Variants in SLCO5A1 observed in about 807,000 individuals in gnomAD.
The protein encoded by SLCO5A1 is solute carrier organic anion transporter family member 5A1.
A neutral mutation model predicts 65.1 loss-of-function variants in SLCO5A1; 39 were observed. The ratio of observed to expected loss-of-function variants is 0.60; its 90% CI spans 0.46 to 0.78. The LOEUF is 0.78. Ranked by LOEUF, SLCO5A1 falls within the 30% of genes least tolerant of loss-of-function variation. The pLI is 0.00. For missense variants in SLCO5A1, 1,029 were observed against 1,069.4 expected (o/e 0.96, Z 0.53); for synonymous variants, 438 against 415.7 (o/e 1.05, Z -0.65).
At chr8:69,804,886 G>C (rs771738076) in intron 2 of SLCO5A1, among the ~76,000 whole-genome samples, 1 of 152,056 alleles carries the variant, frequency 6.6e-6, no homozygotes, top group Non-Finnish European at 1.5e-5. Context: ...CTGCAGGCCG[G>C]GCTCCTGCCA....
At chr8:69,696,115 G>C (rs1392820238) in intron 6 of SLCO5A1, among the ~76,000 whole-genome samples, 1 of 152,238 alleles carries the variant, frequency 6.6e-6, no homozygotes, top group Non-Finnish European at 1.5e-5. Context: ...CCCAGCAGCA[G>C]TTGATTCAGG....
intron 5 of SLCO5A1, among the ~76,000 whole-genome samples, chr8:69,728,159 C>T (rs1816172057): frequency 6.6e-6 from 1 of 151,694 alleles, no homozygotes; most frequent in South Asian, 2.1e-4. Flanking sequence ...AGCATGCCAA[C>T]CTTTGGAAAG....
intron 2 of SLCO5A1, among the ~76,000 whole-genome samples, chr8:69,810,925 A>T (rs1002436560): frequency 6.6e-6 from 1 of 152,178 alleles, no homozygotes; most frequent in Non-Finnish European, 1.5e-5. Context: ...CAGTACACAG[A>T]CATTCACATG....
chr8:69,679,718 T>C, intron 7 of SLCO5A1, 99 bp from the exon 8 acceptor site: 5 of 1,489,306 alleles, frequency 3.4e-6, no homozygotes, highest in Non-Finnish European at 3.6e-6. Flanking sequence ...CTAAAATAGC[T>C]CAAATATTTT....
chr8:69,822,339 A>G (rs1273885678), intron 2 of SLCO5A1, among the ~76,000 whole-genome samples: 1 of 152,156 alleles, frequency 6.6e-6, no homozygotes, highest in African/African-American at 2.4e-5. Context: ...TGCATTACTT[A>G]AATGTTCATA....
intron 2 of SLCO5A1, among the ~76,000 whole-genome samples, chr8:69,792,534 G>A (rs973048953): frequency 1.3e-5 from 2 of 152,158 alleles, no homozygotes; most frequent in African/African-American, 4.8e-5. Context: ...ATATAAGGTG[G>A]TATTTTAAGA....
intron 2 of SLCO5A1, among the ~76,000 whole-genome samples, chr8:69,816,255 A>G (rs1171459636): frequency 6.6e-6 from 1 of 152,180 alleles, no homozygotes; most frequent in Non-Finnish European, 1.5e-5. Context: ...GAAATACCTC[A>G]GACCCTCTCC....
chr8:69,782,377 T>C lies in SLCO5A1; in HGVS notation c.908-20502A>G, dbSNP rs142669370. 5.9e-5 allele frequency among the ~76,000 whole-genome samples: 9 copies of C among 151,262 alleles called. No individual in the cohort carries two copies. In the East Asian group the frequency reaches 1.6e-3, roughly 26 times the overall value. The stretch of plus-strand genomic sequence containing the variant: ...AGGGAGGATTGCTTGAGACCAGGAG[T>C]TCAAGACCAGCCTGGGCAATATGGC... On this transcript the variant is annotated intron_variant, in intron 2 of 9. Transcript: ENST00000260126.
chr8:69,762,122 C>A (rs562559399), intron 2 of SLCO5A1, among the ~76,000 whole-genome samples: 61 of 4,976 alleles, frequency 0.012, no homozygotes, highest in African/African-American at 0.049. Context: ...GTTTTGTTTT[C>A]TTTCTTTCTT....
intron 5 of SLCO5A1, among the ~76,000 whole-genome samples, chr8:69,712,889 A>G (rs1278254736): frequency 6.6e-6 from 1 of 152,142 alleles, no homozygotes; most frequent in Non-Finnish European, 1.5e-5. Flanking sequence ...TCCATTTTCA[A>G]TTATTCCTGG....
chr8:69,832,587 C>CT lies in SLCO5A1; in HGVS notation c.86dup (p.Pro30AlafsTer7). 1 of 1,612,870 alleles carries CT rather than the reference C, an allele frequency of 6.2e-7. No individual in the cohort carries two copies. Among genetic ancestry groups the CT allele is most frequent in the Non-Finnish European group, 8.5e-7 (1 of 1,179,766 alleles). ...AACTCTTAGACCTGAGGGTCTCCGG[C>CT]TCGCACCTCTCTTGGACAGCTTCTG... On this transcript the variant is annotated frameshift_variant, in exon 2 of 10. Transcript: ENST00000260126. LOFTEE classifies it high-confidence loss of function. The surrounding 1 kb of genome is among the most constrained non-coding windows in gnomAD (Gnocchi z 4.5).
intron 6 of SLCO5A1, among the ~76,000 whole-genome samples, chr8:69,682,783 C>A (rs1813840193): frequency 6.6e-6 from 1 of 152,208 alleles, no homozygotes; most frequent in African/African-American, 2.4e-5. Flanking sequence ...CACATGATCA[C>A]TGTTAAAATC....
intron 2 of SLCO5A1, among the ~76,000 whole-genome samples, chr8:69,815,519 T>C (rs1218341482): frequency 6.6e-6 from 1 of 152,122 alleles, no homozygotes; most frequent in Non-Finnish European, 1.5e-5. Context: ...CTCCTCTTGA[T>C]GTCCAGTTAC....
intron 2 of SLCO5A1, chr8:69,794,260 G>T: frequency 2.1e-6 from 1 of 479,004 alleles, no homozygotes. Flanking sequence ...CCACCAGAAT[G>T]GGAAAGTTTT....
At chr8:69,722,081 AG>A (rs1417093236) in intron 5 of SLCO5A1, among the ~76,000 whole-genome samples, 2 of 152,158 alleles carry the variant, frequency 1.3e-5, no homozygotes, top group African/African-American at 4.8e-5. Context: ...CTGAGACAGG[AG>A]AATCGCCTGA....
At chr8:69,813,256 T>C (rs920260529) in intron 2 of SLCO5A1, among the ~76,000 whole-genome samples, 2 of 152,102 alleles carry the variant, frequency 1.3e-5, no homozygotes, top group African/African-American at 4.8e-5. Context: ...GTGAAAAAAT[T>C]AGGAAAACAC....
chr8:69,746,684 C>T (rs1024110548), intron 4 of SLCO5A1, among the ~76,000 whole-genome samples: 7 of 152,158 alleles, frequency 4.6e-5, no homozygotes, highest in African/African-American at 1.7e-4. Context: ...GGGAACACCA[C>T]GTGATAATTA....
intron 2 of SLCO5A1, among the ~76,000 whole-genome samples, chr8:69,775,757 T>C (rs1818527906): frequency 6.6e-6 from 1 of 152,170 alleles, no homozygotes; most frequent in African/African-American, 2.4e-5. Flanking sequence ...CTCATGCTTA[T>C]AATCCTAGCA....
intron 2 of SLCO5A1, among the ~76,000 whole-genome samples, chr8:69,810,204 C>T (rs558003369): frequency 2.0e-5 from 3 of 152,150 alleles, no homozygotes; most frequent in Non-Finnish European, 4.4e-5. Flanking sequence ...GGAGATCAAA[C>T]CACAGCATCC....
Sources: gnomAD v4.1 joint callset for allele counts (sites outside exome capture counted in the v4.1 genomes callset) on GRCh38, gnomAD v4.1.1 for gene constraint, Gnocchi (gnomAD v3.1) non-coding constraint, MANE v1.5 for transcripts, NCBI Gene and HGNC (gene_info 2026-07-23, HGNC 2026-07-21) for gene names.